The following PEMT variants were observed in gnomAD, a reference collection of about 807,000 sequenced individuals.
The protein encoded by PEMT is phosphatidylethanolamine N-methyltransferase.
In PEMT, 23 loss-of-function variants were observed where a neutral mutation model predicts 27.4. The observed-to-expected ratio is 0.84, with a 90% CI of 0.60 to 1.19. The LOEUF is 1.19. PEMT is among the 50% of genes most tolerant of loss of function. The pLI is 0.00. For synonymous variants in PEMT, 137 were observed against 139.1 expected, an observed-to-expected ratio of 0.98 and a Z score of 0.11; for missense variants, 307 against 310.1, an observed-to-expected ratio of 0.99 and a Z score of 0.07.
intron 3 of PEMT, among the ~76,000 whole-genome samples, chr17:17,518,870 T>A (rs1305352223): frequency 6.6e-6 from 1 of 151,950 alleles, no homozygotes. Flanking sequence ...AGATGACTGC[T>A]CCAGGCCTAT....
intron 2 of PEMT, among the ~76,000 whole-genome samples, chr17:17,558,528 C>G (rs942101414): frequency 6.7e-6 from 1 of 149,330 alleles, no homozygotes; most frequent in African/African-American, 2.5e-5. Flanking sequence ...AAACAAAAAA[C>G]AAAAAAAATT....
At chr17:17,585,404 G>T (rs1172257487) in intron 1 of PEMT, among the ~76,000 whole-genome samples, 1 of 152,144 alleles carries the variant, frequency 6.6e-6, no homozygotes, top group African/African-American at 2.4e-5. Flanking sequence ...AGAACTAAAG[G>T]GTGGAAAAGA....
At chr17:17,558,058 G>A (rs994104005) in intron 2 of PEMT, among the ~76,000 whole-genome samples, 1 of 152,166 alleles carries the variant, frequency 6.6e-6, no homozygotes, top group Admixed American at 6.5e-5. Context: ...AAGGGCAGTG[G>A]AGGCTGGGCA....
chr17:17,515,569 C>T (rs1597876160), intron 3 of PEMT, among the ~76,000 whole-genome samples: 1 of 152,298 alleles, frequency 6.6e-6, no homozygotes, highest in African/African-American at 2.4e-5. Flanking sequence ...TCCTCCCTGG[C>T]GTTCTCACCA....
chr17:17,518,838 C>A (rs1907050855), intron 3 of PEMT, among the ~76,000 whole-genome samples: 2 of 152,170 alleles, frequency 1.3e-5, no homozygotes, highest in South Asian at 4.1e-4. Context: ...CAGACGAGTG[C>A]TGCCAGGGAC....
chr17:17,545,581 A>T lies in PEMT; in HGVS notation c.205-23186T>A, dbSNP rs60658840. Reference sequence around the variant, plus strand: ...GCTGAGTCTTGGCTTCAACTCCTACACCAGAGACGGCCTCCTCTGCTCTTT... The same window carrying T: ...GCTGAGTCTTGGCTTCAACTCCTACTCCAGAGACGGCCTCCTCTGCTCTTT... On this transcript the variant is annotated intron_variant, in intron 2 of 6. Coordinates refer to ENST00000255389, the MANE Select transcript of PEMT (RefSeq NM_148172.3). Among the ~76,000 whole-genome samples, 146 of 152,070 alleles carry T rather than the reference A, an allele frequency of 9.6e-4. 3 individuals carry two copies. The East Asian group carries it at 0.027, about 28-fold the overall frequency.
intron 1 of PEMT, among the ~76,000 whole-genome samples, chr17:17,583,563 C>T (rs1220431276): frequency 6.6e-6 from 1 of 152,144 alleles, no homozygotes; most frequent in Non-Finnish European, 1.5e-5. Flanking sequence ...CGTGAGGGAC[C>T]ATGGCAAGCC....
intron 4 of PEMT, 36 bp from the exon 5 acceptor site, chr17:17,509,581 C>A: frequency 7.0e-7 from 1 of 1,431,698 alleles, no homozygotes; most frequent in Non-Finnish European, 9.9e-7. Context: ...CTCGGCTATT[C>A]ATCAGCCCTG....
chr17:17,561,982 A>T lies in PEMT; in HGVS notation c.204+14938T>A, dbSNP rs1400486050. Among the ~76,000 whole-genome samples the T allele has an allele frequency of 6.6e-6, 1 of 152,250 alleles. No homozygotes were observed. The highest frequency in any genetic ancestry group is 1.9e-4 in the East Asian group (1 of 5,194). On this transcript the variant is annotated intron_variant, in intron 2 of 6. Transcript: ENST00000255389. This position sits in a 1 kb window ranked among gnomAD's most constrained non-coding sequence, Gnocchi z 4.5. ...CCCAGGCTCCGGTGGGAGGGGCCTC[A>T]GGACCGGATCTGGGCCGGATCCACG...
intron 2 of PEMT, among the ~76,000 whole-genome samples, chr17:17,568,489 T>C (rs566380669): frequency 1.3e-5 from 2 of 152,272 alleles, no homozygotes; most frequent in South Asian, 4.1e-4. Flanking sequence ...AGCCAGGACT[T>C]GGTAAAGCGC....
intron 2 of PEMT, among the ~76,000 whole-genome samples, chr17:17,571,504 C>T (rs1911190391): frequency 6.6e-6 from 1 of 151,960 alleles, no homozygotes; most frequent in Non-Finnish European, 1.5e-5. Context: ...GAGCAGGTGG[C>T]TCACCTAGGA....
intron 5 of PEMT, chr17:17,508,929 CG>C: frequency 3.1e-6 from 1 of 322,462 alleles, no homozygotes. Context: ...GAAGATGGGT[CG>C]GGTGGTCCCA....
At chr17:17,511,656 C>T (rs915044374) in intron 4 of PEMT, among the ~76,000 whole-genome samples, 1 of 152,220 alleles carries the variant, frequency 6.6e-6, no homozygotes, top group African/African-American at 2.4e-5. Flanking sequence ...GGGAGGAAGA[C>T]GTGGGCCTTC....
At position 17,506,066 on chromosome 17, in the gene PEMT, G is replaced by C. The variant is rs1905806995; in HGVS notation, c.653+161C>G. ...GGCTGCCTGCTGGGTCCTGCAGGCCGCATTGTAAGCTACCATGGCCGCTCT... is the reference window on the plus strand; with the variant it reads ...GGCTGCCTGCTGGGTCCTGCAGGCCCCATTGTAAGCTACCATGGCCGCTCT... On this transcript the variant is annotated intron_variant, in intron 6 of 6. Coordinates refer to ENST00000255389, the MANE Select transcript of PEMT (RefSeq NM_148172.3). Among the ~76,000 whole-genome samples the C allele has an allele frequency of 5.3e-5, 8 of 152,294 alleles. No individual in the cohort carries two copies. In the South Asian group the frequency reaches 1.7e-3, roughly 32 times the overall value.
chr17:17,513,463 G>C lies in PEMT; in HGVS notation c.321-809C>G, dbSNP rs924810250. Among the ~76,000 whole-genome samples the C allele has an allele frequency of 5.9e-5, 9 of 152,148 alleles. No homozygotes were observed. Among genetic ancestry groups the C allele is most frequent in the Non-Finnish European group, 1.3e-4 (9 of 68,040 alleles). On this transcript the variant is annotated intron_variant, in intron 3 of 6. Coordinates refer to ENST00000255389, the MANE Select transcript of PEMT (RefSeq NM_148172.3). This position sits in a 1 kb window ranked among gnomAD's most constrained non-coding sequence, Gnocchi z 4.1. ...AATACAAAAATTAGCTGGGTGTGGT[G>C]GTGGGCACCTGGAATCCCAGCTACT... is the stretch of plus-strand genomic sequence containing the variant.
At position 17,506,432 on chromosome 17, in the gene PEMT, G is replaced by A. The variant is rs779447744; in HGVS notation, c.579-131C>T. 1.6e-5 allele frequency: 10 copies of A among 623,872 alleles called. No individual in the cohort carries two copies. The East Asian group carries it at 2.3e-4, about 14-fold the overall frequency. 38.6% of individuals were successfully genotyped at this position (623,872 alleles called of 1,614,324 possible). A position where few individuals can be genotyped will look rare whatever the true frequency, so the allele number is the denominator to read the frequency against. ...CGACGCTGGGCCACTTGGGCCGACC[G>A]AGCCCAGGCAGCACTGCCCCTTCCT... On this transcript the variant is annotated intron_variant, in intron 5 of 6. Coordinates refer to ENST00000255389, the MANE Select transcript of PEMT (RefSeq NM_148172.3).
chr17:17,553,866 C>T (rs1429730293), intron 2 of PEMT, among the ~76,000 whole-genome samples: 1 of 152,264 alleles, frequency 6.6e-6, no homozygotes, highest in Non-Finnish European at 1.5e-5. Flanking sequence ...CATGTCCCTG[C>T]CACGACAGGA....
In PEMT at chr17:17,552,419, T is replaced by C. The variant is rs1270024099; in HGVS notation, c.204+24501A>G. Reference sequence around the variant, plus strand: ...TTTCATCTGCCATTTGGGATTCTCATGTCTAATAAGGGCCTTGCCTGAAAC... The same window carrying C: ...TTTCATCTGCCATTTGGGATTCTCACGTCTAATAAGGGCCTTGCCTGAAAC... On this transcript the variant is annotated intron_variant, in intron 2 of 6. Coordinates refer to ENST00000255389, the MANE Select transcript of PEMT (RefSeq NM_148172.3). Among the ~76,000 whole-genome samples the C allele has an allele frequency of 3.3e-5, 5 of 152,288 alleles. No homozygotes were observed. The East Asian group carries it at 7.7e-4, about 24-fold the overall frequency.
chr17:17,533,984 G>A (rs1396834272), intron 2 of PEMT, among the ~76,000 whole-genome samples: 2 of 152,026 alleles, frequency 1.3e-5, no homozygotes, highest in African/African-American at 2.4e-5. Context: ...CACTCACCTC[G>A]GCCTCGCAAG....
Sources: allele counts gnomAD v4.1 joint callset (sites outside exome capture counted in the v4.1 genomes callset), GRCh38; gene constraint gnomAD v4.1.1; non-coding constraint Gnocchi (gnomAD v3.1); transcripts MANE v1.5; gene names NCBI Gene and HGNC (gene_info 2026-07-23, HGNC 2026-07-21).